Variants in GLI2 observed in about 807,000 individuals in gnomAD.
GLI2 encodes the protein transcription activator GLI2.
A neutral mutation model predicts 78.9 loss-of-function variants in GLI2; 22 were observed. The observed-to-expected ratio is 0.28, with a 90% confidence interval of 0.20 to 0.40. The LOEUF (loss-of-function observed/expected upper bound fraction) is 0.40, where lower values mean the gene tolerates loss of function less well. Among genes scored for constraint, GLI2 ranks in the 10% least tolerant of loss-of-function variants. GLI2 has a pLI of 1.00. For synonymous variants in GLI2, 974 were observed against 963.7 expected (o/e 1.01, Z -0.20); for missense variants, 2,097 against 2,213.2 (o/e 0.95, Z 1.05).
chr2:120,821,681 A>G (rs557639135), intron 2 of GLI2, among the ~76,000 whole-genome samples: 2 of 152,318 alleles, frequency 1.3e-5, no homozygotes, highest in Admixed American at 6.5e-5. Flanking sequence ...GTGCCTGTGC[A>G]TAGACTTGGG....
chr2:120,857,521 C>T (rs1687717737), intron 2 of GLI2, among the ~76,000 whole-genome samples: 1 of 137,324 alleles, frequency 7.3e-6, no homozygotes, highest in African/African-American at 2.7e-5. Flanking sequence ...ACCCACCGAC[C>T]CACCCACCTA....
At chr2:120,988,128 C>A in intron 13 of GLI2, 80 bp from the exon 14 acceptor site, 2 of 1,267,192 alleles carry the variant, frequency 1.6e-6, no homozygotes, top group South Asian at 1.4e-5. Flanking sequence ...GGGCTCCAGG[C>A]CCAGTGCGAT....
At chr2:120,940,718 G>C (rs1680411390) in intron 3 of GLI2, among the ~76,000 whole-genome samples, 1 of 152,226 alleles carries the variant, frequency 6.6e-6, no homozygotes. Flanking sequence ...CTGGTCTTGG[G>C]AATGCCTGCC....
intron 2 of GLI2, among the ~76,000 whole-genome samples, chr2:120,869,161 G>A (rs1688301450): frequency 1.3e-5 from 2 of 152,164 alleles, no homozygotes; most frequent in Admixed American, 6.5e-5. Flanking sequence ...TCCTGAGAGT[G>A]GCCTGGCCCC....
chr2:120,876,331 G>T (rs1327595608), intron 2 of GLI2, among the ~76,000 whole-genome samples: 1 of 152,174 alleles, frequency 6.6e-6, no homozygotes, highest in Non-Finnish European at 1.5e-5. Flanking sequence ...GACAGAGCGA[G>T]ACTCCGTCTC....
intron 2 of GLI2, among the ~76,000 whole-genome samples, chr2:120,898,307 A>G (rs1019493814): frequency 4.6e-5 from 7 of 152,266 alleles, no homozygotes; most frequent in Non-Finnish European, 8.8e-5. Flanking sequence ...AGAAAAATAA[A>G]TATCTCTGTA....
intron 2 of GLI2, among the ~76,000 whole-genome samples, chr2:120,799,926 G>A (rs1448200588): frequency 2.6e-5 from 4 of 152,190 alleles, no homozygotes; most frequent in Non-Finnish European, 2.9e-5. Context: ...CCCCTCAGGG[G>A]CGGGGATGCT....
At chr2:120,751,017 A>G (rs970125266) in intron 1 of GLI2, among the ~76,000 whole-genome samples, 1 of 152,180 alleles carries the variant, frequency 6.6e-6, no homozygotes, top group South Asian at 2.1e-4. Context: ...GGTGGCCCCC[A>G]ACTCTGCTCC....
At chr2:120,758,599 G>T (rs1683107770) in intron 1 of GLI2, among the ~76,000 whole-genome samples, 1 of 152,192 alleles carries the variant, frequency 6.6e-6, no homozygotes. Context: ...TAGACCCAGG[G>T]CTCCCTATAA....
intron 5 of GLI2, among the ~76,000 whole-genome samples, chr2:120,967,965 T>C (rs1681941657): frequency 6.6e-6 from 1 of 152,204 alleles, no homozygotes; most frequent in Non-Finnish European, 1.5e-5. Context: ...CATCCAGGCC[T>C]CTGCTTGGCA....
At chr2:120,902,915 T>C (rs766104447) in intron 2 of GLI2, among the ~76,000 whole-genome samples, 1 of 152,152 alleles carries the variant, frequency 6.6e-6, no homozygotes, top group Non-Finnish European at 1.5e-5. Flanking sequence ...CTCTCAAGTA[T>C]GTTTGTAAGT....
chr2:120,978,630 G>A (rs774985399), intron 10 of GLI2, 47 bp downstream of exon 10: 1 of 1,602,724 alleles, frequency 6.2e-7, no homozygotes, highest in Non-Finnish European at 8.5e-7. Flanking sequence ...AGACTGGCCT[G>A]TCAGCCAGGC....
chr2:120,893,605 C>T (rs554791515), intron 2 of GLI2, among the ~76,000 whole-genome samples: 14 of 146,188 alleles, frequency 9.6e-5, no homozygotes, highest in African/African-American at 3.6e-4. Context: ...GGGTTGGTGG[C>T]AGTGTCTCGG....
At chr2:120,967,063 C>T (rs919263074) in intron 5 of GLI2, among the ~76,000 whole-genome samples, 1 of 152,154 alleles carries the variant, frequency 6.6e-6, no homozygotes, top group African/African-American at 2.4e-5. Flanking sequence ...AAGGGAGGAA[C>T]GCAGTTATCA....
At chr2:120,850,864 CA>C (rs1460420189) in intron 2 of GLI2, among the ~76,000 whole-genome samples, 2 of 152,176 alleles carry the variant, frequency 1.3e-5, no homozygotes, top group Non-Finnish European at 2.9e-5. Context: ...ACCAATAAAT[CA>C]GAAACATTAA....
At chr2:120,819,692 A>G (rs1339480726) in intron 2 of GLI2, among the ~76,000 whole-genome samples, 1 of 152,156 alleles carries the variant, frequency 6.6e-6, no homozygotes, top group Non-Finnish European at 1.5e-5. Flanking sequence ...CAGGCAGTTT[A>G]TTCATCTGCT....
intron 3 of GLI2, among the ~76,000 whole-genome samples, chr2:120,942,781 C>A (rs1166514840): frequency 1.3e-5 from 2 of 152,122 alleles, no homozygotes; most frequent in Admixed American, 1.3e-4. Flanking sequence ...TCCCTGGACA[C>A]GCTCCCTGCT....
intron 1 of GLI2, among the ~76,000 whole-genome samples, chr2:120,791,889 G>A (rs1476491224): frequency 2.0e-5 from 3 of 152,106 alleles, no homozygotes; most frequent in African/African-American, 4.8e-5. Context: ...TATATGGTTT[G>A]TCGGCGTATG....
chr2:120,958,161 G>C (rs1471832698), intron 5 of GLI2, among the ~76,000 whole-genome samples: 1 of 152,194 alleles, frequency 6.6e-6, no homozygotes. Context: ...CAGGACTGAA[G>C]GGGTGTGGAG....
Sources: allele counts gnomAD v4.1 joint callset (sites outside exome capture counted in the v4.1 genomes callset), GRCh38; gene constraint gnomAD v4.1.1; transcripts MANE v1.5; gene names NCBI Gene and HGNC (gene_info 2026-07-23, HGNC 2026-07-21).